Variants in LTV1 observed in about 807,000 individuals in gnomAD.
The protein encoded by LTV1 is LTV1 ribosome biogenesis factor.
In LTV1, 39 loss-of-function variants were observed where a neutral mutation model predicts 59.9. The observed-to-expected ratio is 0.65, with a 90% CI of 0.50 to 0.85. LTV1 has a LOEUF of 0.85. Among genes scored for constraint, LTV1 ranks in the 40% least tolerant of loss-of-function variants. The pLI is 0.00. For missense variants in LTV1, 493 were observed against 549.1 expected (o/e 0.90, Z 1.02); for synonymous variants, 171 against 189.5 (o/e 0.90, Z 0.80).
Position 143,863,506 on chromosome 6 carries a change from T to C in LTV1, c.1407T>C (p.Asn469=), listed in dbSNP as rs778766752. Reference sequence around the variant, plus strand: ...AAGAGCTGCTGAACTTGAAGAAGAATGTTGAGGGTCTAAAGCTATAGACAG... The same window carrying C: ...AAGAGCTGCTGAACTTGAAGAAGAACGTTGAGGGTCTAAAGCTATAGACAG... ...QEKELLNLKK[N]VEGLKL Residue 469 remains asparagine (N), a synonymous_variant, in exon 11 of 11, where the codon AAT becomes AAC. Transcript: ENST00000367576. This position sits in a 1 kb window ranked among gnomAD's most constrained non-coding sequence, Gnocchi z 4.5. The C allele has an allele frequency of 6.2e-6, 10 of 1,613,298 alleles. No homozygotes were observed. In the South Asian group the frequency reaches 1.1e-4, roughly 18 times the overall value.
In LTV1 at chr6:143,855,854, TTCTC is replaced by T. The variant is rs1483172885; in HGVS notation, c.398-1445_398-1442del. ...CTTCTCTTTGTGGGTAACCCGACCT[TTCTC>T]TCTGGCTGCCCTTAACATTTTTTTC... On this transcript the variant is annotated intron_variant, in intron 4 of 10. Transcript: ENST00000367576. The surrounding 1 kb of genome is among the most constrained non-coding windows in gnomAD (Gnocchi z 4.6). Among the ~76,000 whole-genome samples, 4 of 152,178 alleles carry T rather than the reference TTCTC, an allele frequency of 2.6e-5. No individual in the cohort carries two copies. The highest frequency in any genetic ancestry group is 9.7e-5 in the African/African-American group (4 of 41,442).
rs145001196 is a variant in LTV1 at position 143,862,355 on chromosome 6, C to T, written c.1063+112C>T. On this transcript the variant is annotated intron_variant, in intron 8 of 10. Coordinates refer to ENST00000367576, the MANE Select transcript of LTV1 (RefSeq NM_032860.5). The surrounding 1 kb of genome is among the most constrained non-coding windows in gnomAD (Gnocchi z 4.2). ...ATCCCAGCACTTTGGGAGGCCGAGG[C>T]GGGTGGGTCACCTGATGTCAGGAGT... 73,383 of 875,108 alleles carry T rather than the reference C, an allele frequency of 0.084. 3,651 individuals are homozygous for T. The highest frequency in any genetic ancestry group is 0.11 in the Middle Eastern group (331 of 2,940). 54.2% of individuals were successfully genotyped at this position (875,108 alleles called of 1,614,324 possible).
chr6:143,848,632 T>C (rs991602072), intron 3 of LTV1, among the ~76,000 whole-genome samples: 2 of 152,114 alleles, frequency 1.3e-5, no homozygotes, highest in Admixed American at 6.6e-5. Context: ...TGTCCTCACG[T>C]TATGAACTGT....
chr6:143,863,522 C>A lies in LTV1; in HGVS notation c.1423C>A (p.Leu475Ile). ...GAAGAAGAATGTTGAGGGTCTAAAG[C>A]TATAGACAGTGGAGCATACAGGGCA... is the stretch of plus-strand genomic sequence containing the variant. ...NLKKNVEGLK[L>I] The change falls in exon 11 of 11, where the codon CTA becomes ATA. Residue 475 changes from leucine to isoleucine, a missense_variant. Coordinates refer to ENST00000367576, the MANE Select transcript of LTV1 (RefSeq NM_032860.5). The surrounding 1 kb of genome is among the most constrained non-coding windows in gnomAD (Gnocchi z 4.5). 1 of 1,610,432 alleles carries A rather than the reference C, an allele frequency of 6.2e-7. No homozygotes were observed. The highest frequency in any genetic ancestry group is 1.1e-5 in the South Asian group (1 of 90,948).
At chr6:143,859,739 G>A (rs1270912254) in intron 6 of LTV1, among the ~76,000 whole-genome samples, 1 of 152,130 alleles carries the variant, frequency 6.6e-6, no homozygotes, top group East Asian at 1.9e-4. Context: ...GTCTAAACAA[G>A]AACAAATATA....
intron 4 of LTV1, among the ~76,000 whole-genome samples, chr6:143,850,603 C>T (rs1363354418): frequency 1.3e-5 from 2 of 151,054 alleles, no homozygotes; most frequent in African/African-American, 4.9e-5. Flanking sequence ...TATGGAAGTT[C>T]ATTTTGCCAT....
In LTV1 at chr6:143,850,121, C is replaced by CT. The variant is rs1478673524; in HGVS notation, c.310-5dup. On this transcript the variant is annotated splice_polypyrimidine_tract_variant and intron_variant, in intron 3 of 10. Transcript: ENST00000367576. The stretch of plus-strand genomic sequence containing the variant: ...AATAAACCTAACCATTGTGCAATTT[C>CT]TTTTTCAAGAGCACTGGAATTAAGT... The CT allele has an allele frequency of 6.2e-7, 1 of 1,609,666 alleles. No individual in the cohort carries two copies. The highest frequency in any genetic ancestry group is 8.5e-7 in the Non-Finnish European group (1 of 1,177,250).
intron 7 of LTV1, among the ~76,000 whole-genome samples, chr6:143,861,185 C>T (rs945491271): frequency 6.6e-6 from 1 of 152,120 alleles, no homozygotes; most frequent in Non-Finnish European, 1.5e-5. Context: ...GTCTGAGCCA[C>T]TGTGCCTGGC....
chr6:143,844,707 G>A (rs748085212), intron 2 of LTV1, 90 bp downstream of exon 2: 8 of 1,365,278 alleles, frequency 5.9e-6, no homozygotes, highest in African/African-American at 3.0e-5. Context: ...GTCTTAGCAC[G>A]TTGCCCAGGC....
rs1281341704 is a variant in LTV1 at position 143,862,974 on chromosome 6, T to C, written c.1116+78T>C. 4.8e-6 allele frequency: 7 copies of C among 1,461,208 alleles called. No individual in the cohort carries two copies. The highest frequency in any genetic ancestry group is 1.4e-5 in the African/African-American group (1 of 71,568). The allele number at this position is 1,461,208 out of a possible 1,614,324, so 90.5% of individuals were successfully genotyped here. ...GTGCACATTTTCGCACAATAACTTT[T>C]TATCTTTATGGCTAGAGTGATATTA... is the stretch of plus-strand genomic sequence containing the variant. On this transcript the variant is annotated intron_variant, in intron 9 of 10. Transcript: ENST00000367576. This position sits in a 1 kb window ranked among gnomAD's most constrained non-coding sequence, Gnocchi z 4.2.
chr6:143,847,454 C>G (rs552473550), intron 3 of LTV1, among the ~76,000 whole-genome samples: 2 of 152,194 alleles, frequency 1.3e-5, no homozygotes, highest in African/African-American at 4.8e-5. Flanking sequence ...CTCCGCCTCC[C>G]GGGTTCAAGC....
At chr6:143,849,792 T>C (rs1776951034) in intron 3 of LTV1, among the ~76,000 whole-genome samples, 1 of 152,162 alleles carries the variant, frequency 6.6e-6, no homozygotes, top group Non-Finnish European at 1.5e-5. Flanking sequence ...GGTTTTTTTC[T>C]TGGGGGCTTA....
Position 143,857,721 on chromosome 6 carries a change from T to C in LTV1, c.540-31T>C, listed in dbSNP as rs1345939319. On this transcript the variant is annotated intron_variant, in intron 5 of 10. Transcript: ENST00000367576. This position sits in a 1 kb window ranked among gnomAD's most constrained non-coding sequence, Gnocchi z 5.2. ...TTTGTTCTGTTACTTTTTAAGTTGT[T>C]TTGGTAGGTAATTTATGACCTTTAC... 6.2e-7 allele frequency: 1 copy of C among 1,611,102 alleles called. No homozygotes were observed. Among genetic ancestry groups the C allele is most frequent in the East Asian group, 2.2e-5 (1 of 44,818 alleles).
At position 143,862,326 on chromosome 6, in the gene LTV1, A is replaced by G; in HGVS notation, c.1063+83A>G. The G allele has an allele frequency of 4.7e-6, 6 of 1,272,508 alleles. No homozygotes were observed. The South Asian group carries it at 8.6e-5, about 18-fold the overall frequency. 78.8% of individuals were successfully genotyped at this position (1,272,508 alleles called of 1,614,324 possible). ...GCTGGGTGCGGTGCCTCACGCCTGT[A>G]GTAATCCCAGCACTTTGGGAGGCCG... On this transcript the variant is annotated intron_variant, in intron 8 of 10. Transcript: ENST00000367576. The surrounding 1 kb of genome is among the most constrained non-coding windows in gnomAD (Gnocchi z 4.2).
chr6:143,862,323 T>G lies in LTV1; in HGVS notation c.1063+80T>G, dbSNP rs1351662402. The G allele has an allele frequency of 1.7e-5, 22 of 1,298,928 alleles. No homozygotes were observed. The highest frequency in any genetic ancestry group is 2.3e-5 in the Non-Finnish European group (22 of 937,056). The allele number at this position is 1,298,928 out of a possible 1,614,324, so 80.5% of individuals were successfully genotyped here. A position where few individuals can be genotyped will look rare whatever the true frequency, so the allele number is the denominator to read the frequency against. ...TAGGCTGGGTGCGGTGCCTCACGCC[T>G]GTAGTAATCCCAGCACTTTGGGAGG... On this transcript the variant is annotated intron_variant, in intron 8 of 10. Coordinates refer to ENST00000367576, the MANE Select transcript of LTV1 (RefSeq NM_032860.5). This position sits in a 1 kb window ranked among gnomAD's most constrained non-coding sequence, Gnocchi z 4.2.
intron 2 of LTV1, among the ~76,000 whole-genome samples, chr6:143,845,683 G>C (rs531364468): frequency 6.6e-6 from 1 of 152,258 alleles, no homozygotes; most frequent in African/African-American, 2.4e-5. Context: ...TGGCCCCCCA[G>C]GTCTTTTCTT....
rs763243218 is a variant in LTV1 at position 143,846,129 on chromosome 6, C to G, written c.214C>G (p.Leu72Val). The G allele has an allele frequency of 2.5e-6, 4 of 1,614,218 alleles. No homozygotes were observed. The highest frequency in any genetic ancestry group is 3.4e-6 in the Non-Finnish European group (4 of 1,180,032). Residue 72 changes from leucine to valine, a missense_variant, in exon 3 of 11, where the codon CTG (leucine) becomes GTG (valine). By Grantham distance (32) the Leu-to-Val change is conservative. Transcript: ENST00000367576. Reference sequence around the variant, plus strand: ...TGACGACTATGACTACCTGCAGCACCTGAAGGAACCATCTGGGCCTTCAGA... The same window carrying G: ...TGACGACTATGACTACCTGCAGCACGTGAAGGAACCATCTGGGCCTTCAGA... ...FDDDYDYLQH[L>V]KEPSGPSELI...
intron 3 of LTV1, among the ~76,000 whole-genome samples, chr6:143,847,100 C>A (rs1480965547): frequency 6.6e-6 from 1 of 152,214 alleles, no homozygotes; most frequent in East Asian, 1.9e-4. Flanking sequence ...GTAATAACTG[C>A]AGCTGCTCGT....
chr6:143,843,577 G>A, intron 1 of LTV1, 97 bp downstream of exon 1: 1 of 1,505,948 alleles, frequency 6.6e-7, no homozygotes, highest in South Asian at 1.2e-5. Context: ...CCCGGGTCTG[G>A]GTCATGCCAG....
Sources: gnomAD v4.1 joint callset for allele counts (sites outside exome capture counted in the v4.1 genomes callset) on GRCh38, gnomAD v4.1.1 for gene constraint, Gnocchi (gnomAD v3.1) non-coding constraint, MANE v1.5 for transcripts, NCBI Gene and HGNC (gene_info 2026-07-23, HGNC 2026-07-21) for gene names.